CCNY: variants seen among roughly 807,000 people sequenced by gnomAD.
The protein encoded by CCNY is cyclin-Y.
Under a neutral mutation model 42.8 loss-of-function variants are expected in CCNY, and 19 were observed. The observed-to-expected ratio is 0.44, with a 90% CI of 0.31 to 0.65. The LOEUF is 0.65. Among genes scored for constraint, CCNY ranks in the 30% least tolerant of loss-of-function variants. CCNY has a pLI of 0.07. For synonymous variants in CCNY, 165 were observed against 162.7 expected (o/e 1.01, Z -0.11); for missense variants, 370 against 437.3 (o/e 0.85, Z 1.37).
rs1841662814 is a variant in CCNY, at chr10:35,570,361, T to G, written c.*1191T>G. On this transcript the variant is annotated 3_prime_UTR_variant, in exon 10 of 10. Coordinates refer to ENST00000374704, the MANE Select transcript of CCNY (RefSeq NM_145012.6). ...ACTCAACTTGCATTTTCATTGTGGG[T>G]GCTTAGAGAAGTTCTACAAAATTCA... 6.6e-6 allele frequency: 1 copy of G among 152,322 alleles called. No homozygotes were observed. Among genetic ancestry groups the G allele is most frequent in the Non-Finnish European group, 1.5e-5 (1 of 68,038 alleles). The allele number at this position is 152,322 out of a possible 1,614,324, so 9.4% of individuals were successfully genotyped here. A position where few individuals can be genotyped will look rare whatever the true frequency, so the allele number is the denominator to read the frequency against.
intron 1 of CCNY, among the ~76,000 whole-genome samples, chr10:35,389,440 T>C (rs1301376192): frequency 1.7e-5 from 2 of 119,886 alleles, no homozygotes; most frequent in Non-Finnish European, 3.4e-5. Context: ...AAAACTGTGC[T>C]TTTTTTTTTT....
At chr10:35,436,533 G>A (rs1267938973) in intron 1 of CCNY, among the ~76,000 whole-genome samples, 1 of 152,174 alleles carries the variant, frequency 6.6e-6, no homozygotes, top group Non-Finnish European at 1.5e-5. Flanking sequence ...CTGTTGTGGG[G>A]GTCATGATGT....
chr10:35,353,115 C>G (rs1836463536), intron 1 of CCNY, among the ~76,000 whole-genome samples: 1 of 152,072 alleles, frequency 6.6e-6, no homozygotes. Flanking sequence ...TTTGTACATA[C>G]AGGGTCTTGG....
chr10:35,356,531 C>A (rs946634026), intron 1 of CCNY, among the ~76,000 whole-genome samples: 3 of 152,172 alleles, frequency 2.0e-5, no homozygotes, highest in African/African-American at 7.2e-5. Context: ...GCGTGCTTCA[C>A]ATGGGGTGGG....
chr10:35,514,095 A>AAAC (rs1840379078), intron 3 of CCNY, among the ~76,000 whole-genome samples: 3 of 151,326 alleles, frequency 2.0e-5, no homozygotes, highest in Non-Finnish European at 4.4e-5. Flanking sequence ...AAAAAAAAAA[A>AAAC]AACAGAGACA....
At chr10:35,263,397 TG>T (rs2135034494) in intron 3 of CCNY, among the ~76,000 whole-genome samples, 1 of 145,946 alleles carries the variant, frequency 6.9e-6, no homozygotes, top group African/African-American at 2.5e-5. Flanking sequence ...AAAAATTAGC[TG>T]AGTGTGGTGG....
rs541175560 is a variant in CCNY, at chr10:35,530,941, G to A, written c.579+698G>A. On this transcript the variant is annotated intron_variant, in intron 7 of 9. Coordinates refer to ENST00000374704, the MANE Select transcript of CCNY (RefSeq NM_145012.6). The surrounding 1 kb of genome is among the most constrained non-coding windows in gnomAD (Gnocchi z 4.3). Reference sequence around the variant, plus strand: ...AAAAGTCAGCTGGCCATGGTGGCACGTACCTGTGGTCCCAGCTACTTGGAA... The same window carrying A: ...AAAAGTCAGCTGGCCATGGTGGCACATACCTGTGGTCCCAGCTACTTGGAA... Among the ~76,000 whole-genome samples, 3 of 152,136 alleles carry A rather than the reference G, an allele frequency of 2.0e-5. No individual in the cohort carries two copies. The highest frequency in any genetic ancestry group is 2.4e-5 in the African/African-American group (1 of 41,514).
intron 1 of CCNY, among the ~76,000 whole-genome samples, chr10:35,463,947 T>C (rs1839206932): frequency 6.6e-6 from 1 of 152,170 alleles, no homozygotes; most frequent in Non-Finnish European, 1.5e-5. Context: ...AGAGTAACAG[T>C]GGGCAGAGAA....
chr10:35,538,992 G>A (rs1286670454), intron 7 of CCNY, among the ~76,000 whole-genome samples: 8 of 152,106 alleles, frequency 5.3e-5, no homozygotes. Context: ...TGTGCATTTG[G>A]ATATCCAGTT....
At chr10:35,335,551 T>C (rs1036951873), upstream of CCNY, among the ~76,000 whole-genome samples, 1 of 151,968 alleles carries the variant, frequency 6.6e-6, no homozygotes, top group Admixed American at 6.5e-5. Flanking sequence ...CCCCAGCTTA[T>C]TTAAATGCTT....
At chr10:35,441,482 G>T (rs1838666868) in intron 1 of CCNY, among the ~76,000 whole-genome samples, 1 of 152,238 alleles carries the variant, frequency 6.6e-6, no homozygotes, top group African/African-American at 2.4e-5. Flanking sequence ...AAAAGCGGTA[G>T]GAGGCTGGGC....
intron 7 of CCNY, among the ~76,000 whole-genome samples, chr10:35,543,522 C>A (rs1341825939): frequency 6.6e-6 from 1 of 152,160 alleles, no homozygotes; most frequent in Non-Finnish European, 1.5e-5. Flanking sequence ...CCTAGCGTAT[C>A]CTAGGTTTCA....
At chr10:35,314,689 G>C (rs1003872340) in intron 3 of CCNY, 1 of 151,776 alleles carries the variant, frequency 6.6e-6, no homozygotes, top group Non-Finnish European at 1.5e-5. Context: ...TCCTCTCCTT[G>C]AATGTCTATA....
At chr10:35,447,824 A>G (rs980546941) in intron 1 of CCNY, among the ~76,000 whole-genome samples, 1 of 152,170 alleles carries the variant, frequency 6.6e-6, no homozygotes, top group Non-Finnish European at 1.5e-5. Context: ...GGAATTTGAA[A>G]CACGTGGCTG....
intron 1 of CCNY, among the ~76,000 whole-genome samples, chr10:35,445,405 G>A (rs1333968232): frequency 6.6e-6 from 1 of 152,168 alleles, no homozygotes; most frequent in Non-Finnish European, 1.5e-5. Flanking sequence ...ACAGGAACTG[G>A]GGCAAAATGT....
intron 7 of CCNY, among the ~76,000 whole-genome samples, chr10:35,534,010 A>G (rs932141488): frequency 1.3e-5 from 2 of 150,110 alleles, no homozygotes; most frequent in Non-Finnish European, 3.0e-5. Context: ...GACACATTTC[A>G]TTTCATTGCT....
intron 3 of CCNY, among the ~76,000 whole-genome samples, chr10:35,296,529 C>T (rs1439277262): frequency 6.6e-6 from 1 of 151,874 alleles, no homozygotes; most frequent in East Asian, 1.9e-4. Context: ...TGCAGTGAGC[C>T]AAGATCACGT....
At chr10:35,559,529 T>C (rs1841425019) in intron 8 of CCNY, among the ~76,000 whole-genome samples, 1 of 152,184 alleles carries the variant, frequency 6.6e-6, no homozygotes, top group Non-Finnish European at 1.5e-5. Flanking sequence ...AATGGGAAAG[T>C]GTGCTCTGGA....
intron 1 of CCNY, among the ~76,000 whole-genome samples, chr10:35,442,372 C>G (rs1264230035): frequency 1.3e-5 from 2 of 152,188 alleles, no homozygotes; most frequent in African/African-American, 4.8e-5. Flanking sequence ...AGTTTATTAG[C>G]CATCTGCTGT....
Sources: allele counts gnomAD v4.1 joint callset (sites outside exome capture counted in the v4.1 genomes callset), GRCh38; gene constraint gnomAD v4.1.1; non-coding constraint Gnocchi (gnomAD v3.1); transcripts MANE v1.5; gene names NCBI Gene and HGNC (gene_info 2026-07-23, HGNC 2026-07-21).